The following CYRIA variants were observed in gnomAD, a reference collection of about 807,000 sequenced individuals.
CYRIA encodes the protein CYFIP-related Rac1 interactor A.
In CYRIA, 15 loss-of-function variants were observed where a neutral mutation model predicts 43.9. That is an observed-to-expected ratio of 0.34 (90% CI 0.23 to 0.53). CYRIA has a LOEUF of 0.53. Among genes scored for constraint, CYRIA ranks in the 20% least tolerant of loss-of-function variants. The probability of loss-of-function intolerance (pLI) is 0.94; values close to 1 mark genes in which losing one functional copy is unlikely to be tolerated. For synonymous variants in CYRIA, 117 were observed against 136.0 expected (o/e 0.86, Z 0.97); for missense variants, 236 against 394.2 (o/e 0.60, Z 3.40).
In CYRIA at chr2:16,561,522, C is replaced by T. The variant is rs773196778; in HGVS notation, c.447G>A (p.Pro149=). 11 of 1,613,462 alleles carry T rather than the reference C, an allele frequency of 6.8e-6. No individual in the cohort carries two copies. Among genetic ancestry groups the T allele is most frequent in the Admixed American group, 3.3e-5 (2 of 59,954 alleles). ...AGTAGCTGAAGTCATTCTGAATAGC[C>T]GGGTTCCTCATCTGAAATTCAGAGG... ...LRFDELKMRN[P]AIQNDFSYYR... The change falls in exon 7 of 12, where the codon CCG becomes CCA. Residue 149 remains proline (P), a synonymous_variant. Coordinates refer to ENST00000381323, the MANE Select transcript of CYRIA (RefSeq NM_030797.4).
At chr2:16,647,100 T>G (rs10172201) in intron 1 of CYRIA, among the ~76,000 whole-genome samples, 13,193 of 152,268 alleles carry the variant, frequency 0.087, 1,363 homozygotes, top group African/African-American at 0.24. Context: ...TATCTCCTAT[T>G]GGTTCTATTT....
chr2:16,590,100 A>G (rs1667871736), intron 2 of CYRIA, among the ~76,000 whole-genome samples: 1 of 151,640 alleles, frequency 6.6e-6, no homozygotes. Flanking sequence ...ACACACAGGA[A>G]AGCAAACACC....
intron 8 of CYRIA, 39 bp from the exon 9 acceptor site, chr2:16,561,108 A>G (rs1462634074): frequency 1.9e-6 from 3 of 1,610,880 alleles, no homozygotes; most frequent in Non-Finnish European, 2.5e-6. Context: ...TCCTGCTTGC[A>G]GCTCTTGTGT....
chr2:16,607,117 G>C (rs1668431694), intron 2 of CYRIA, among the ~76,000 whole-genome samples: 1 of 152,148 alleles, frequency 6.6e-6, no homozygotes, highest in African/African-American at 2.4e-5. Flanking sequence ...CTCTGCCTTT[G>C]TTTCCAGCTT....
intron 1 of CYRIA, among the ~76,000 whole-genome samples, chr2:16,631,981 C>T (rs1432546097): frequency 6.6e-6 from 1 of 152,196 alleles, no homozygotes; most frequent in Non-Finnish European, 1.5e-5. Context: ...ATGGCGAACA[C>T]CCCCTGAGTC....
chr2:16,614,367 A>G (rs1176563380), intron 2 of CYRIA, among the ~76,000 whole-genome samples: 1 of 152,170 alleles, frequency 6.6e-6, no homozygotes, highest in Non-Finnish European at 1.5e-5. Flanking sequence ...CCACAATTAA[A>G]CCAAACAAAC....
intron 3 of CYRIA, among the ~76,000 whole-genome samples, chr2:16,586,739 T>C (rs1334938626): frequency 3.9e-5 from 6 of 152,086 alleles, no homozygotes. Context: ...AAACTTCTTT[T>C]AGAAGGTTTA....
In CYRIA at chr2:16,589,404, C is replaced by T. The variant is rs537893134; in HGVS notation, c.-10-1275G>A. On this transcript the variant is annotated intron_variant, in intron 2 of 11. Coordinates refer to ENST00000381323, the MANE Select transcript of CYRIA (RefSeq NM_030797.4). ...GTGGGATCTGGTCTCCATAATCCTC[C>T]GCTGGGAAAACACACATTTGCAGAC... is the stretch of plus-strand genomic sequence containing the variant. Among the ~76,000 whole-genome samples, 33 of 152,130 alleles carry T rather than the reference C, an allele frequency of 2.2e-4. No individual in the cohort carries two copies. In the South Asian group the frequency reaches 3.3e-3, roughly 15 times the overall value.
chr2:16,631,591 G>A (rs774766363), intron 1 of CYRIA, among the ~76,000 whole-genome samples: 9 of 152,202 alleles, frequency 5.9e-5, no homozygotes, highest in Non-Finnish European at 1.0e-4. Context: ...TCAGGTCTTT[G>A]GAGCTAAGCC....
Position 16,556,258 on chromosome 2 carries a change from C to A in CYRIA, c.838-1119G>T, listed in dbSNP as rs151028332. 1.5e-3 allele frequency among the ~76,000 whole-genome samples: 226 copies of A among 152,156 alleles called. 5 individuals are homozygous for A. The highest frequency in any genetic ancestry group is 5.2e-3 in the African/African-American group (216 of 41,530). ...ACAGGGTTGGGAATCATGTGAGGAT[C>A]ACTACAGGTGCATCAAAAAAGAATG... On this transcript the variant is annotated intron_variant, in intron 10 of 11. Transcript: ENST00000381323.
chr2:16,629,134 T>C (rs1411899705), intron 1 of CYRIA, among the ~76,000 whole-genome samples: 1 of 152,128 alleles, frequency 6.6e-6, no homozygotes, highest in African/African-American at 2.4e-5. Context: ...CCACCACTAC[T>C]GGACCTGCTG....
rs1022932547 is a variant in CYRIA at position 16,650,321 on chromosome 2, A to C, written c.-167+15459T>G. ...AGAGTGGTTAAGCAATGGCCCAGAA[A>C]TCAACCAAAAAGAGGAGCAAAGCTA... On this transcript the variant is annotated intron_variant, in intron 1 of 11. Coordinates refer to ENST00000381323, the MANE Select transcript of CYRIA (RefSeq NM_030797.4). This position sits in a 1 kb window ranked among gnomAD's most constrained non-coding sequence, Gnocchi z 4.1. Among the ~76,000 whole-genome samples, 1 of 152,258 alleles carries C rather than the reference A, an allele frequency of 6.6e-6. No homozygotes were observed. The highest frequency in any genetic ancestry group is 1.5e-5 in the Non-Finnish European group (1 of 68,048).
At chr2:16,580,053 T>A (rs1667497488) in intron 3 of CYRIA, among the ~76,000 whole-genome samples, 1 of 151,848 alleles carries the variant, frequency 6.6e-6, no homozygotes, top group Non-Finnish European at 1.5e-5. Flanking sequence ...CCTCGAGCAA[T>A]CCTCCTGCCT....
At chr2:16,645,751 T>C (rs1669801669) in intron 1 of CYRIA, among the ~76,000 whole-genome samples, 2 of 152,236 alleles carry the variant, frequency 1.3e-5, no homozygotes, top group East Asian at 1.9e-4. Flanking sequence ...ACATTTGAAG[T>C]AGGAGGATGC....
intron 2 of CYRIA, among the ~76,000 whole-genome samples, chr2:16,610,125 C>T (rs1668540891): frequency 6.6e-6 from 1 of 152,206 alleles, no homozygotes. Context: ...TGCATATATT[C>T]TGTGCTAGGC....
chr2:16,619,919 T>C (rs925525277), intron 2 of CYRIA, among the ~76,000 whole-genome samples: 2 of 152,228 alleles, frequency 1.3e-5, no homozygotes, highest in Non-Finnish European at 2.9e-5. Context: ...GCCCAAATCA[T>C]ATGGCTCCTT....
rs1355256242 is a variant in CYRIA, at chr2:16,562,062, G to A, written c.378C>T (p.Ala126=). 6.2e-7 allele frequency: 1 copy of A among 1,613,582 alleles called. No homozygotes were observed. Among genetic ancestry groups the A allele is most frequent in the South Asian group, 1.1e-5 (1 of 91,052 alleles). ...TPTQHLEREQ[A]LAKEFAEILH... ...AAATTTCGGCAAACTCCTTTGCCAG[G>A]GCCTGTTCCCTTTCCAGGTGTTGGG... is the stretch of plus-strand genomic sequence containing the variant. The change falls in exon 6 of 12, where the codon GCC becomes GCT. Residue 126 remains alanine, a synonymous_variant. Transcript: ENST00000381323.
rs1669718190 is a variant in CYRIA, at chr2:16,642,926, A to AT, written c.-166-18908dup. 3.3e-5 allele frequency among the ~76,000 whole-genome samples: 5 copies of AT among 151,762 alleles called. No individual in the cohort carries two copies. The East Asian group carries it at 7.7e-4, about 23-fold the overall frequency. On this transcript the variant is annotated intron_variant, in intron 1 of 11. Transcript: ENST00000381323. ...TCCTTGGTTCGGCTCCATTTTTCCC[A>AT]TTGACCTTTTGACCTTCTAATATAC...
chr2:16,653,531 A>C (rs1558443848), intron 1 of CYRIA, among the ~76,000 whole-genome samples: 1 of 152,138 alleles, frequency 6.6e-6, no homozygotes, highest in Non-Finnish European at 1.5e-5. Flanking sequence ...ACCACCATCT[A>C]ACATGATATA....
Sources: allele counts gnomAD v4.1 joint callset (sites outside exome capture counted in the v4.1 genomes callset), GRCh38; gene constraint gnomAD v4.1.1; non-coding constraint Gnocchi (gnomAD v3.1); transcripts MANE v1.5; gene names NCBI Gene and HGNC (gene_info 2026-07-23, HGNC 2026-07-21).